Variants in CSTF2 observed in about 807,000 individuals in gnomAD.
CSTF2 encodes cleavage stimulation factor subunit 2, also known as CF-1 64 kDa subunit.
CSTF2 carries 8 observed loss-of-function variants against 45.4 expected under a neutral mutation model. That is an observed-to-expected ratio of 0.18 (90% confidence interval 0.10 to 0.32). CSTF2 has a LOEUF of 0.32. Among genes scored for constraint, CSTF2 ranks in the 10% least tolerant of loss-of-function variants. The probability of loss-of-function intolerance (pLI) is 1.00; values close to 1 mark genes in which losing one functional copy is unlikely to be tolerated. For missense variants in CSTF2, 253 were observed against 477.1 expected (o/e 0.53, Z 4.38); for synonymous variants, 155 against 158.9 (o/e 0.98, Z 0.18).
At chrX:100,839,248 CA>C (rs757979836) in intron 13 of CSTF2, among the ~76,000 whole-genome samples, 1,345 of 40,499 alleles carry the variant, frequency 0.033, 22 homozygotes, top group African/African-American at 0.1. Context: ...GACTCTGTGT[CA>C]AAAAAAAAAA....
intron 6 of CSTF2, among the ~76,000 whole-genome samples, chrX:100,825,616 A>G (rs1411199776): frequency 9.0e-6 from 1 of 111,583 alleles, no homozygotes; most frequent in Non-Finnish European, 1.9e-5. Flanking sequence ...TTGGCTTTGC[A>G]AGTCACAGGA....
intron 1 of CSTF2, chrX:100,820,769 C>T: frequency 2.3e-6 from 1 of 432,585 alleles, no homozygotes; most frequent in Non-Finnish European, 4.3e-6. Context: ...AACAGCTCCT[C>T]ACTGTCCCGT....
chrX:100,823,242 T>G (rs2084928601), intron 3 of CSTF2, 50 bp from the exon 4 acceptor site: 2 of 1,184,166 alleles, frequency 1.7e-6, no homozygotes, highest in Non-Finnish European at 1.1e-6. Flanking sequence ...TGAAATGATT[T>G]AGCTTTTTGT....
At chrX:100,834,738 T>A (rs2084997599) in intron 11 of CSTF2, among the ~76,000 whole-genome samples, 1 of 112,284 alleles carries the variant, frequency 8.9e-6, no homozygotes, top group Non-Finnish European at 1.9e-5. Flanking sequence ...GTACGGGGGA[T>A]ACTGCAGTGT....
At chrX:100,820,718 T>G in intron 1 of CSTF2, 1 of 494,504 alleles carries the variant, frequency 2.0e-6, no homozygotes, top group South Asian at 2.5e-5. Flanking sequence ...GTTTCTCCTT[T>G]CATGAGCTTC....
intron 13 of CSTF2, among the ~76,000 whole-genome samples, 152 bp downstream of exon 13, chrX:100,838,516 G>T (rs899595610): frequency 3.6e-5 from 4 of 111,926 alleles, no homozygotes; most frequent in Admixed American, 9.5e-5. Context: ...AGCTCCTGTA[G>T]GGATAGAGTA....
At chrX:100,820,625 A>G (rs1355670102) in intron 1 of CSTF2, 151 bp downstream of exon 1, 1 of 585,610 alleles carries the variant, frequency 1.7e-6, no homozygotes, top group Non-Finnish European at 2.9e-6. Context: ...CTCATGAGCA[A>G]AGAGATATTC....
chrX:100,825,686 GT>G (rs1343446219), intron 6 of CSTF2, among the ~76,000 whole-genome samples: 1 of 111,566 alleles, frequency 9.0e-6, no homozygotes, highest in Non-Finnish European at 1.9e-5. Context: ...AAGTGAACAA[GT>G]GTGTGTGGTT....
intron 8 of CSTF2, among the ~76,000 whole-genome samples, chrX:100,830,126 C>G (rs955673091): frequency 8.9e-6 from 1 of 112,015 alleles, no homozygotes; most frequent in African/African-American, 3.2e-5. Flanking sequence ...TCTTGCTTCC[C>G]TGCCATGTTT....
At chrX:100,836,998 C>T (rs761900637) in intron 11 of CSTF2, among the ~76,000 whole-genome samples, 2 of 111,999 alleles carry the variant, frequency 1.8e-5, no homozygotes, top group African/African-American at 3.2e-5. Flanking sequence ...TGTTGGCTTT[C>T]ATTTGTATTT....
chrX:100,830,657 G>T (rs1186446768), intron 8 of CSTF2: 1 of 435,563 alleles, frequency 2.3e-6, no homozygotes, highest in Non-Finnish European at 3.9e-6. Context: ...GTAGTTTAGG[G>T]AGATTTTGTA....
At chrX:100,832,992 A>G in intron 10 of CSTF2, 83 bp downstream of exon 10, 1 of 1,043,162 alleles carries the variant, frequency 9.6e-7, no homozygotes, top group Non-Finnish European at 1.3e-6. Flanking sequence ...CTGGAACAGT[A>G]GGTTTGCAAG....
chrX:100,838,287 A>C lies in CSTF2; in HGVS notation c.1660A>C (p.Met554Leu). Residue 554 changes from methionine (M) to leucine (L), a missense_variant, in exon 13 of 14, where the codon ATG becomes CTG. Met to Leu is a conservative substitution (Grantham distance 15). This residue lies in a region of CSTF2 where 8 missense variants were observed against 35.5 expected (regional missense o/e 0.23). Coordinates refer to ENST00000372972, the MANE Select transcript of CSTF2 (RefSeq NM_001325.3). ...VLQLTADQIAMLPPEQRQSIL... is the reference protein window; with the variant it reads ...VLQLTADQIALLPPEQRQSIL... Reference sequence around the variant, plus strand: ...ACAACTGACTGCAGACCAGATTGCCATGTTGCCTCCTGAGCAAAGGCAGAG... The same window carrying C: ...ACAACTGACTGCAGACCAGATTGCCCTGTTGCCTCCTGAGCAAAGGCAGAG... 1 of 1,205,237 alleles carries C rather than the reference A, an allele frequency of 8.3e-7. No homozygotes were observed. The highest frequency in any genetic ancestry group is 1.1e-6 in the Non-Finnish European group (1 of 892,191).
At position 100,826,678 on chromosome X, in the gene CSTF2, TATGCAGGGTGGA is replaced by T; in HGVS notation, c.748_759del (p.Met250_Gly253del). The T allele has an allele frequency of 2.5e-6, 3 of 1,210,832 alleles. No homozygotes were observed. The highest frequency in any genetic ancestry group is 3.4e-6 in the Non-Finnish European group (3 of 894,847). On this transcript the variant is annotated inframe_deletion, in exon 7 of 14. Coordinates refer to ENST00000372972, the MANE Select transcript of CSTF2 (RefSeq NM_001325.3). ...GCGCACCTCCTCTGATGCAAGCTTC[TATGCAGGGTGGA>T]GTTCCAGCACCAGGGCAAATGCCAG...
intron 6 of CSTF2, 26 bp from the exon 7 acceptor site, chrX:100,826,608 A>G (rs1261193482): frequency 2.5e-6 from 3 of 1,202,258 alleles, no homozygotes; most frequent in African/African-American, 1.7e-5. Context: ...AGGCATATAC[A>G]TACTCTGTTT....
intron 1 of CSTF2, 199 bp downstream of exon 1, chrX:100,820,673 A>C (rs760864483): frequency 1.9e-6 from 1 of 519,790 alleles, no homozygotes; most frequent in Non-Finnish European, 3.5e-6. Flanking sequence ...CCGCAATATC[A>C]GTGGGGAAGT....
chrX:100,823,261 C>T, intron 3 of CSTF2, 31 bp from the exon 4 acceptor site: 2 of 1,196,767 alleles, frequency 1.7e-6, no homozygotes, highest in East Asian at 3.0e-5. Flanking sequence ...GTTTTGCCTC[C>T]CTAACTTTCT....
chrX:100,828,391 T>A (rs937791853), intron 8 of CSTF2, among the ~76,000 whole-genome samples: 4 of 111,862 alleles, frequency 3.6e-5, no homozygotes, highest in Non-Finnish European at 5.6e-5. Context: ...ACCTGGTGAT[T>A]CAGAGTCCAG....
intron 13 of CSTF2, among the ~76,000 whole-genome samples, chrX:100,838,629 T>C (rs1423055189): frequency 3.6e-5 from 4 of 111,781 alleles, no homozygotes; most frequent in Non-Finnish European, 7.5e-5. Context: ...TACAGAAATG[T>C]AGAAGGTGAA....
Sources: allele counts gnomAD v4.1 joint callset (sites outside exome capture counted in the v4.1 genomes callset), GRCh38; gene constraint gnomAD v4.1.1; regional missense constraint gnomAD v4.1.1; transcripts MANE v1.5; gene names NCBI Gene and HGNC (gene_info 2026-07-23, HGNC 2026-07-21).